The following RERE variants were observed in gnomAD, a reference collection of about 807,000 sequenced individuals.
RERE encodes the protein arginine-glutamic acid dipeptide repeats protein.
In RERE, 40 loss-of-function variants were observed where a neutral mutation model predicts 146.1. The observed-to-expected ratio is 0.27, with a 90% confidence interval of 0.21 to 0.36. The LOEUF (loss-of-function observed/expected upper bound fraction) is 0.36. Ranked by LOEUF, RERE falls within the 10% of genes least tolerant of loss-of-function variation. The pLI is 1.00. For missense variants in RERE, 1,933 were observed against 2,138.7 expected, an observed-to-expected ratio of 0.90 and a Z score of 1.90; for synonymous variants, 1,003 against 866.0, an observed-to-expected ratio of 1.16 and a Z score of -2.78.
chr1:8,513,868 G>C (rs1410368053), intron 7 of RERE, among the ~76,000 whole-genome samples: 2 of 152,170 alleles, frequency 1.3e-5, no homozygotes, highest in African/African-American at 4.8e-5. Flanking sequence ...CCTATCAATA[G>C]TCTTTTGACT....
chr1:8,420,557 TATA>T (rs1336715959), intron 12 of RERE, among the ~76,000 whole-genome samples: 13 of 152,162 alleles, frequency 8.5e-5, no homozygotes, highest in Admixed American at 8.5e-4. Context: ...CCCAGCTCAT[TATA>T]ATACTTACAG....
chr1:8,364,149 C>T lies in RERE; in HGVS notation c.1647G>A (p.Val549=). 2 of 1,614,138 alleles carry T rather than the reference C, an allele frequency of 1.2e-6. No individual in the cohort carries two copies. Among genetic ancestry groups the T allele is most frequent in the African/African-American group, 1.3e-5 (1 of 75,026 alleles). ...YGELPPIEKP[V]DPPPFMFKPV... ...GTTTGAACATAAACGGTGGCGGGTC[C>T]ACGGGCTTCTCAATGGGCGGGAGCT... Residue 549 remains valine (V), a synonymous_variant, in exon 15 of 23, where the codon GTG becomes GTA. Coordinates refer to ENST00000400908, the MANE Select transcript of RERE (RefSeq NM_001042681.2). The surrounding 1 kb of genome is among the most constrained non-coding windows in gnomAD (Gnocchi z 5.1).
chr1:8,401,058 T>TACACATAC (rs1434700581), intron 12 of RERE, among the ~76,000 whole-genome samples: 3 of 116,784 alleles, frequency 2.6e-5, no homozygotes, highest in African/African-American at 1.0e-4. Flanking sequence ...TATATATATA[T>TACACATAC]ATATATATAT....
intron 8 of RERE, among the ~76,000 whole-genome samples, chr1:8,503,090 ATAAAT>A (rs1049697486): frequency 6.3e-5 from 6 of 94,796 alleles, no homozygotes; most frequent in African/African-American, 2.3e-4. Flanking sequence ...TCAATTAAAA[ATAAAT>A]AAATAAATAA....
At position 8,557,506 on chromosome 1, in the gene RERE, G is replaced by A. The variant is rs747259008; in HGVS notation, c.540C>T (p.Leu180=). Residue 180 remains leucine (L), a synonymous_variant, in exon 5 of 23, where the codon CTC becomes CTT. Coordinates refer to ENST00000400908, the MANE Select transcript of RERE (RefSeq NM_001042681.2). ...RGPVGSKRDH[L]LMNVKWYYRQ... Reference sequence around the variant, plus strand: ...GGTAGTACCATTTGACGTTCATGAGGAGATGGTCCCTCTTACTCTGAAAAG... The same window carrying A: ...GGTAGTACCATTTGACGTTCATGAGAAGATGGTCCCTCTTACTCTGAAAAG... 9 of 1,611,400 alleles carry A rather than the reference G, an allele frequency of 5.6e-6. No individual in the cohort carries two copies. The highest frequency in any genetic ancestry group is 1.6e-4 in the Middle Eastern group (1 of 6,076).
At chr1:8,798,255 G>T (rs1378139646) in intron 1 of RERE, among the ~76,000 whole-genome samples, 1 of 152,078 alleles carries the variant, frequency 6.6e-6, no homozygotes, top group East Asian at 1.9e-4. Context: ...AAATTAGCCA[G>T]GCATGGTGGC....
At chr1:8,744,657 T>A (rs181476342) in intron 1 of RERE, among the ~76,000 whole-genome samples, 47 of 152,276 alleles carry the variant, frequency 3.1e-4, no homozygotes, top group African/African-American at 1.1e-3. Flanking sequence ...CTTCAAACTT[T>A]AGCGATAAAA....
chr1:8,433,919 CAGA>C (rs1644131846), intron 11 of RERE, among the ~76,000 whole-genome samples: 1 of 152,220 alleles, frequency 6.6e-6, no homozygotes, highest in Non-Finnish European at 1.5e-5. Context: ...TTAGCTGACA[CAGA>C]GGAGTAATAC....
rs1553149621 is a variant in RERE at position 8,789,301 on chromosome 1, A to AT, written c.-145+27858_-145+27859insA. 8.7e-3 allele frequency among the ~76,000 whole-genome samples: 216 copies of AT among 24,790 alleles called. 5 individuals carry two copies. The highest frequency in any genetic ancestry group is 0.038 in the African/African-American group (162 of 4,306). The allele number at this position is 24,790 out of a possible 152,430, so 16.3% of individuals were successfully genotyped here. A position where few individuals can be genotyped will look rare whatever the true frequency, so the allele number is the denominator to read the frequency against. On this transcript the variant is annotated intron_variant, in intron 1 of 22. Transcript: ENST00000400908. ...CTCTACCAAAAAAAAAAAAAAAAAAAATATATATATATATATATATATATG... is the reference window on the plus strand; with the variant it reads ...CTCTACCAAAAAAAAAAAAAAAAAAATATATATATATATATATATATATATG...
intron 1 of RERE, among the ~76,000 whole-genome samples, chr1:8,759,355 G>A (rs1175076975): frequency 2.0e-5 from 3 of 152,158 alleles, no homozygotes; most frequent in African/African-American, 7.2e-5. Flanking sequence ...AAAAGGCAAG[G>A]ATGAAGAATT....
chr1:8,540,526 T>C (rs2124389025), intron 7 of RERE, among the ~76,000 whole-genome samples: 1 of 152,310 alleles, frequency 6.6e-6, no homozygotes, highest in South Asian at 2.1e-4. Flanking sequence ...CTTAATAAAA[T>C]ATGCAGTCAC....
intron 1 of RERE, among the ~76,000 whole-genome samples, chr1:8,681,174 A>G (rs546866362): frequency 2.0e-5 from 3 of 152,292 alleles, no homozygotes; most frequent in Admixed American, 1.3e-4. Flanking sequence ...GCAGGAGAGA[A>G]ACGGCCAACA....
At chr1:8,745,416 C>T (rs1640400348) in intron 1 of RERE, among the ~76,000 whole-genome samples, 1 of 152,170 alleles carries the variant, frequency 6.6e-6, no homozygotes, top group Admixed American at 6.5e-5. Context: ...CAGACTAATA[C>T]ACATGGTTAC....
intron 1 of RERE, among the ~76,000 whole-genome samples, chr1:8,772,908 G>C (rs918467926): frequency 2.6e-5 from 4 of 152,214 alleles, no homozygotes; most frequent in African/African-American, 4.8e-5. Context: ...GGCCAACATA[G>C]TGAAACCCCA....
intron 1 of RERE, among the ~76,000 whole-genome samples, chr1:8,730,611 G>A (rs1272921277): frequency 6.6e-6 from 1 of 152,126 alleles, no homozygotes; most frequent in Non-Finnish European, 1.5e-5. Context: ...CCAAAGTGTT[G>A]GGATTACAGG....
In RERE at chr1:8,765,096, T is replaced by C. The variant is rs1179141569; in HGVS notation, c.-145+52064A>G. 2.0e-5 allele frequency among the ~76,000 whole-genome samples: 3 copies of C among 152,202 alleles called. 1 individual carries two copies. The highest frequency in any genetic ancestry group is 4.4e-5 in the Non-Finnish European group (3 of 68,040). The stretch of plus-strand genomic sequence containing the variant: ...TTTTAACAGCCAAAAAGTAGAACCA[T>C]TCAAAGTGTCCATCAACTAGTGAAT... On this transcript the variant is annotated intron_variant, in intron 1 of 22. Transcript: ENST00000400908.
At chr1:8,671,845 T>C (rs1206261501) in intron 1 of RERE, among the ~76,000 whole-genome samples, 2 of 152,234 alleles carry the variant, frequency 1.3e-5, no homozygotes, top group Admixed American at 6.5e-5. Context: ...AACATTTATA[T>C]GTCTCAGGAA....
chr1:8,694,486 C>T (rs748096851), intron 1 of RERE, among the ~76,000 whole-genome samples: 4 of 152,024 alleles, frequency 2.6e-5, no homozygotes, highest in Non-Finnish European at 4.4e-5. Context: ...GTGGGCTGGG[C>T]GGGGTGGCTC....
At chr1:8,686,310 C>T (rs1639085149) in intron 1 of RERE, among the ~76,000 whole-genome samples, 1 of 152,174 alleles carries the variant, frequency 6.6e-6, no homozygotes, top group Non-Finnish European at 1.5e-5. Context: ...TAAAGCCATG[C>T]ATCCTAGGGA....
Sources: gnomAD v4.1 joint callset for allele counts (sites outside exome capture counted in the v4.1 genomes callset) on GRCh38, gnomAD v4.1.1 for gene constraint, Gnocchi (gnomAD v3.1) non-coding constraint, MANE v1.5 for transcripts, NCBI Gene and HGNC (gene_info 2026-07-23, HGNC 2026-07-21) for gene names.